HEMK2: variants seen among roughly 807,000 people sequenced by gnomAD.
HEMK2 encodes the protein HemK methyltransferase 2, ETF1 glutamine and histone H4 lysine.
the HEMK2 span, among the ~76,000 whole-genome samples, chr21:28,581,139 G>C: frequency 6.6e-6 from 1 of 151,656 alleles, no homozygotes; most frequent in African/African-American, 2.4e-5. Flanking sequence ...TTACTACCTT[G>C]TCTGAATCTG....
the HEMK2 span, among the ~76,000 whole-genome samples, chr21:28,609,887 C>G: frequency 6.6e-6 from 1 of 152,004 alleles, no homozygotes; most frequent in Non-Finnish European, 1.5e-5. Flanking sequence ...AAGAACAAAG[C>G]CTCCAAGAAG....
chr21:28,663,193 A>G, the HEMK2 span, among the ~76,000 whole-genome samples: 1 of 152,200 alleles, frequency 6.6e-6, no homozygotes, highest in African/African-American at 2.4e-5. Flanking sequence ...ATTTCCTACT[A>G]AAAGAGAAAT....
At chr21:28,885,272 G>A in the HEMK2 span, 65 of 1,594,452 alleles carry the variant, frequency 4.1e-5, no homozygotes, top group African/African-American at 7.4e-4. Flanking sequence ...GTCCTCCGCG[G>A]GCTCGTACAC....
chr21:28,683,591 A>T, the HEMK2 span, among the ~76,000 whole-genome samples: 1 of 152,216 alleles, frequency 6.6e-6, no homozygotes, highest in Admixed American at 6.5e-5. Flanking sequence ...ATGTTTACAC[A>T]CCTAGTCAAC....
chr21:28,853,406 T>C, the HEMK2 span, among the ~76,000 whole-genome samples: 1 of 152,220 alleles, frequency 6.6e-6, no homozygotes, highest in Non-Finnish European at 1.5e-5. Flanking sequence ...GATCCAACTA[T>C]GTTTTTTCCA....
the HEMK2 span, among the ~76,000 whole-genome samples, chr21:28,815,586 T>C: frequency 6.6e-6 from 1 of 151,930 alleles, no homozygotes; most frequent in African/African-American, 2.4e-5. Context: ...CCACCTTACA[T>C]AGCACCTTTC....
the HEMK2 span, among the ~76,000 whole-genome samples, chr21:28,650,566 G>A: frequency 6.6e-6 from 1 of 152,222 alleles, no homozygotes; most frequent in Non-Finnish European, 1.5e-5. Flanking sequence ...AAAACTTTAC[G>A]GGTTTCCAAA....
chr21:28,777,719 A>G, the HEMK2 span, among the ~76,000 whole-genome samples: 1 of 152,326 alleles, frequency 6.6e-6, no homozygotes, highest in East Asian at 1.9e-4. Flanking sequence ...TTGTTAGAAT[A>G]AAAAACATTC....
the HEMK2 span, among the ~76,000 whole-genome samples, chr21:28,814,549 C>A: frequency 5.4e-3 from 806 of 150,086 alleles, 6 homozygotes; most frequent in African/African-American, 0.016. Context: ...AAAAAAAAAA[C>A]CCCATCAAAA....
At chr21:28,785,175 C>A in the HEMK2 span, among the ~76,000 whole-genome samples, 1 of 152,166 alleles carries the variant, frequency 6.6e-6, no homozygotes, top group Non-Finnish European at 1.5e-5. Context: ...GAACAAACTC[C>A]GGACACACCA....
the HEMK2 span, among the ~76,000 whole-genome samples, chr21:28,812,113 C>T: frequency 1.3e-5 from 2 of 152,114 alleles, no homozygotes; most frequent in African/African-American, 2.4e-5. Context: ...AATTGCTGGG[C>T]ATTAGCTAGC....
the HEMK2 span, among the ~76,000 whole-genome samples, chr21:28,764,399 C>T: frequency 6.6e-6 from 1 of 151,878 alleles, no homozygotes; most frequent in Non-Finnish European, 1.5e-5. Context: ...GAAATATTTC[C>T]ACAGAGGCCC....
At chr21:28,694,383 A>G in the HEMK2 span, among the ~76,000 whole-genome samples, 3 of 152,244 alleles carry the variant, frequency 2.0e-5, no homozygotes, top group African/African-American at 7.2e-5. Context: ...GAGAAAAACA[A>G]CAAAAGGAAG....
At chr21:28,742,684 G>A in the HEMK2 span, among the ~76,000 whole-genome samples, 3 of 150,808 alleles carry the variant, frequency 2.0e-5, no homozygotes, top group Non-Finnish European at 3.0e-5. Context: ...AAAAAAAAAA[G>A]GAAAAAAAAT....
the HEMK2 span, among the ~76,000 whole-genome samples, chr21:28,754,332 C>G: frequency 6.6e-6 from 1 of 152,196 alleles, no homozygotes; most frequent in Non-Finnish European, 1.5e-5. Context: ...AACAGGGGGG[C>G]TTTGTTCTGA....
chr21:28,677,061 G>T, the HEMK2 span, among the ~76,000 whole-genome samples: 1 of 152,130 alleles, frequency 6.6e-6, no homozygotes, highest in African/African-American at 2.4e-5. Context: ...CAGGACAGTG[G>T]GTGCAGCACA....
chr21:28,817,523 C>G, the HEMK2 span, among the ~76,000 whole-genome samples: 5 of 152,150 alleles, frequency 3.3e-5, no homozygotes, highest in Admixed American at 2.6e-4. Flanking sequence ...GAACACTCTT[C>G]TCTTATTTGG....
chr21:28,863,021 T>A, the HEMK2 span, among the ~76,000 whole-genome samples: 1 of 152,066 alleles, frequency 6.6e-6, no homozygotes, highest in South Asian at 2.1e-4. Context: ...AGGGGTGGAT[T>A]TGCGATGGTT....
the HEMK2 span, among the ~76,000 whole-genome samples, chr21:28,641,863 A>G: frequency 6.6e-6 from 1 of 152,202 alleles, no homozygotes; most frequent in East Asian, 1.9e-4. Context: ...CTTCCCTCAC[A>G]CAACCACTGC....
Sources: gnomAD v4.1 joint callset for allele counts (sites outside exome capture counted in the v4.1 genomes callset) on GRCh38, gnomAD v4.1.1 for gene constraint, MANE v1.5 for transcripts, NCBI Gene and HGNC (gene_info 2026-07-23, HGNC 2026-07-21) for gene names.